The following ANKFN1 variants were observed in gnomAD, a reference collection of about 807,000 sequenced individuals.
The protein encoded by ANKFN1 is ankyrin repeat and fibronectin type III domain containing 1, also known as ankyrin repeat and fibronectin type-III domain-containing protein 1.
Under a neutral mutation model 108.7 loss-of-function variants are expected in ANKFN1, and 74 were observed. The ratio of observed to expected loss-of-function variants is 0.68; its 90% CI spans 0.56 to 0.83. ANKFN1 has a LOEUF of 0.83. Among genes scored for constraint, ANKFN1 ranks in the 40% least tolerant of loss-of-function variants. ANKFN1 has a pLI of 0.00. For missense variants in ANKFN1, 1,505 were observed against 1,382.3 expected (o/e 1.09, Z -1.41); for synonymous variants, 547 against 516.2 (o/e 1.06, Z -0.81).
intron 3 of ANKFN1, among the ~76,000 whole-genome samples, chr17:56,286,510 G>T (rs1302369278): frequency 2.0e-5 from 3 of 152,130 alleles, no homozygotes; most frequent in Non-Finnish European, 4.4e-5. Flanking sequence ...GGAGGTTGAT[G>T]CTGGCTGTCA....
At chr17:56,403,358 G>T (rs1329979154) in intron 8 of ANKFN1, among the ~76,000 whole-genome samples, 1 of 152,058 alleles carries the variant, frequency 6.6e-6, no homozygotes, top group Non-Finnish European at 1.5e-5. Flanking sequence ...ATTAGTAATT[G>T]TTTTATAAAT....
At chr17:56,310,774 A>C (rs1200717738) in intron 3 of ANKFN1, among the ~76,000 whole-genome samples, 4 of 119,768 alleles carry the variant, frequency 3.3e-5, no homozygotes, top group Non-Finnish European at 5.5e-5. Context: ...GTGTGTGTGT[A>C]GAACATTGAA....
At chr17:56,462,796 C>G (rs1007900228) in intron 14 of ANKFN1, among the ~76,000 whole-genome samples, 6 of 152,196 alleles carry the variant, frequency 3.9e-5, no homozygotes, top group African/African-American at 1.4e-4. Flanking sequence ...CCCTCTGCTA[C>G]CAGTCTTGAC....
chr17:56,394,140 C>T (rs1436370972), intron 8 of ANKFN1, among the ~76,000 whole-genome samples: 1 of 152,224 alleles, frequency 6.6e-6, no homozygotes, highest in African/African-American at 2.4e-5. Flanking sequence ...GCCTTTTTAA[C>T]TGACTTTGTC....
intron 4 of ANKFN1, among the ~76,000 whole-genome samples, chr17:56,113,476 A>G (rs745873324): frequency 6.6e-6 from 1 of 152,204 alleles, no homozygotes; most frequent in Middle Eastern, 3.2e-3. Context: ...AGCCTGTTAC[A>G]TGCTGTGTAG....
At chr17:56,107,149 G>A (rs1420258937) in intron 4 of ANKFN1, among the ~76,000 whole-genome samples, 6 of 152,152 alleles carry the variant, frequency 3.9e-5, no homozygotes, top group Admixed American at 1.3e-4. Context: ...CCATGGCAGG[G>A]GGCAGCTAAG....
At chr17:56,175,428 C>T (rs547239114) in intron 1 of ANKFN1, among the ~76,000 whole-genome samples, 118 of 152,248 alleles carry the variant, frequency 7.8e-4, no homozygotes, top group Middle Eastern at 6.8e-3. Context: ...CCTTGAAATC[C>T]CCTGTGTTGT....
At chr17:56,108,585 G>A (rs562199604) in intron 4 of ANKFN1, among the ~76,000 whole-genome samples, 12 of 152,270 alleles carry the variant, frequency 7.9e-5, no homozygotes, top group South Asian at 4.2e-4. Context: ...ACTAAGTCAC[G>A]GAGAGGTTAA....
intron 11 of ANKFN1, among the ~76,000 whole-genome samples, chr17:56,451,123 G>A (rs906397264): frequency 2.0e-5 from 3 of 152,130 alleles, no homozygotes; most frequent in African/African-American, 7.2e-5. Context: ...GCTGAAAAAG[G>A]TTCTCTTGTC....
At chr17:56,466,243 A>G (rs1400308312) in intron 14 of ANKFN1, 113 bp from the exon 15 acceptor site, 3 of 939,094 alleles carry the variant, frequency 3.2e-6, no homozygotes, top group Admixed American at 4.9e-5. Flanking sequence ...AAAAAAAAAG[A>G]GAGCAAACAG....
At chr17:56,047,927 G>A (rs75532121) in intron 4 of ANKFN1, among the ~76,000 whole-genome samples, 4,342 of 152,170 alleles carry the variant, frequency 0.029, 95 homozygotes, top group Non-Finnish European at 0.046. Flanking sequence ...ATTTTTTCCC[G>A]TTACTATTAA....
chr17:56,477,075 G>A (rs190551406), intron 15 of ANKFN1, among the ~76,000 whole-genome samples: 21 of 152,126 alleles, frequency 1.4e-4, no homozygotes, highest in Admixed American at 2.0e-4. Context: ...AAATTACAAC[G>A]CTTCCTTAAC....
At position 56,440,387 on chromosome 17, in the gene ANKFN1, T is replaced by A; in HGVS notation, c.971T>A (p.Leu324Gln). 6.2e-7 allele frequency: 1 copy of A among 1,612,778 alleles called. No individual in the cohort carries two copies. ...PLAGEIIMDN[L>Q]QTLRCTITGL... ...GCTGGAGAAATCATCATGGATAATC[T>A]GCAGACTCTGAGATGCACAATCACA... The change falls in exon 9 of 21, where the codon CTG (leucine) becomes CAG (glutamine). Residue 324 changes from leucine to glutamine, a missense_variant. Transcript: ENST00000682825.
chr17:56,262,788 AT>A (rs1721111283), intron 3 of ANKFN1, among the ~76,000 whole-genome samples: 1 of 151,762 alleles, frequency 6.6e-6, no homozygotes, highest in African/African-American at 2.4e-5. Flanking sequence ...GACCTTTTTT[AT>A]TTTTTTCCTG....
In ANKFN1 at chr17:56,480,800, C is replaced by A. The variant is rs2050667012; in HGVS notation, c.2073C>A (p.Ile691=). The A allele has an allele frequency of 6.2e-7, 1 of 1,613,618 alleles. No individual in the cohort carries two copies. The highest frequency in any genetic ancestry group is 1.1e-5 in the South Asian group (1 of 91,060). ...QMAVKALLQQ[I]NIPLHQARNF... ...CAGTGAAAGCTCTCCTTCAGCAGAT[C>A]AATATACCTCTACACCAGGTACTAG... Residue 691 remains isoleucine, a synonymous_variant, in exon 17 of 21, where the codon ATC becomes ATA. Coordinates refer to ENST00000682825, the MANE Select transcript of ANKFN1 (RefSeq NM_001370326.1).
At chr17:56,138,404 C>T (rs1328174442) in intron 4 of ANKFN1, among the ~76,000 whole-genome samples, 1 of 152,102 alleles carries the variant, frequency 6.6e-6, no homozygotes, top group Non-Finnish European at 1.5e-5. Context: ...TCACTGAAGC[C>T]TTTCATAGTA....
chr17:56,092,285 T>TTTTTTTTTTTTTTTTTTTTTTTTTTTTC (rs60379435), intron 4 of ANKFN1, among the ~76,000 whole-genome samples: 1 of 143,208 alleles, frequency 7.0e-6, no homozygotes, highest in African/African-American at 2.8e-5. Flanking sequence ...TTTTTTTTTT[T>TTTTTTTTTTTTTTTTTTTTTTTTTTTTC]TTGAGATGGA....
chr17:56,489,152 T>C lies in ANKFN1; in HGVS notation c.2261-3035T>C, dbSNP rs149722720. ...TTCCACTGTACTATATTCCTAGTGT[T>C]GATGCCAACCTTATGTTAGTCTGCC... On this transcript the variant is annotated intron_variant, in intron 18 of 20. Coordinates refer to ENST00000682825, the MANE Select transcript of ANKFN1 (RefSeq NM_001370326.1). Among the ~76,000 whole-genome samples, 4 of 152,278 alleles carry C rather than the reference T, an allele frequency of 2.6e-5. No individual in the cohort carries two copies. The East Asian group carries it at 7.7e-4, about 29-fold the overall frequency.
Position 56,372,852 on chromosome 17 carries a change from C to T in ANKFN1, c.796+12C>T. 3 of 1,604,368 alleles carry T rather than the reference C, an allele frequency of 1.9e-6. No individual in the cohort carries two copies. The highest frequency in any genetic ancestry group is 2.5e-6 in the Non-Finnish European group (3 of 1,176,818). ...CTTTGAGCATGCCAGTGAGTATAAG[C>T]AGAAAATGTCTACATTTCACTAGAC... On this transcript the variant is annotated intron_variant, in intron 7 of 20. Transcript: ENST00000682825.
Sources: gnomAD v4.1 joint callset for allele counts (sites outside exome capture counted in the v4.1 genomes callset) on GRCh38, gnomAD v4.1.1 for gene constraint, MANE v1.5 for transcripts, NCBI Gene and HGNC (gene_info 2026-07-23, HGNC 2026-07-21) for gene names.